CCNI: variants seen among roughly 807,000 people sequenced by gnomAD.
CCNI encodes cyclin I.
CCNI carries 14 observed loss-of-function variants against 34.1 expected under a neutral mutation model. The ratio of observed to expected loss-of-function variants is 0.41; its 90% CI spans 0.27 to 0.64. CCNI has a LOEUF of 0.64. Among genes scored for constraint, CCNI ranks in the 30% least tolerant of loss-of-function variants. The pLI is 0.31. For missense variants in CCNI, 385 were observed against 440.5 expected (o/e 0.87, Z 1.13); for synonymous variants, 154 against 158.4 (o/e 0.97, Z 0.21).
At chr4:77,066,912 T>G (rs1410864367) in intron 1 of CCNI, among the ~76,000 whole-genome samples, 2 of 152,158 alleles carry the variant, frequency 1.3e-5, no homozygotes, top group East Asian at 3.8e-4. Flanking sequence ...TAGCTACACA[T>G]GTGGATATTT....
At chr4:77,058,794 A>T (rs1212249873) in intron 2 of CCNI, among the ~76,000 whole-genome samples, 159 bp from the exon 3 acceptor site, 1 of 150,010 alleles carries the variant, frequency 6.7e-6, no homozygotes, top group Non-Finnish European at 1.5e-5. Context: ...CATGAAATAA[A>T]ACTTTATGTA....
At chr4:77,071,010 A>G (rs1729426203) in intron 1 of CCNI, among the ~76,000 whole-genome samples, 1 of 152,182 alleles carries the variant, frequency 6.6e-6, no homozygotes. Flanking sequence ...ATTAGCTACA[A>G]CCAAATGGAT....
chr4:77,072,948 G>A (rs982453740), intron 1 of CCNI, among the ~76,000 whole-genome samples: 1 of 152,130 alleles, frequency 6.6e-6, no homozygotes, highest in South Asian at 2.1e-4. Flanking sequence ...AGAAAGCATG[G>A]GCTTGGCTTT....
At position 77,050,740 on chromosome 4, in the gene CCNI, T is replaced by C. The variant is rs4252934; in HGVS notation, c.691-2078A>G. On this transcript the variant is annotated intron_variant, in intron 6 of 6. Coordinates refer to ENST00000237654, the MANE Select transcript of CCNI (RefSeq NM_006835.3). ...AAGCTTACATTTAGGCTAGGTCTTA[T>C]TATATATCCCAGGGATGTAGAACAA... Among the ~76,000 whole-genome samples, 1,030 of 152,104 alleles carry C rather than the reference T, an allele frequency of 6.8e-3. 17 individuals carry two copies. Among genetic ancestry groups the C allele is most frequent in the African/African-American group, 0.024 (1,007 of 41,488 alleles).
intron 3 of CCNI, 36 bp from the exon 4 acceptor site, chr4:77,056,359 A>AT: frequency 6.7e-7 from 1 of 1,485,964 alleles, no homozygotes; most frequent in East Asian, 2.3e-5. Flanking sequence ...AACTTTAGTG[A>AT]TTTTTCAAAA....
In CCNI at chr4:77,058,553, A is replaced by G; in HGVS notation, c.197T>C (p.Phe66Ser). ...ATCCAAAAGACTGCTAGCCAGAGCA[A>G]ATGTTTCTGGGTAAAGGTTGAATTG... Reference protein sequence around the residue: ...KYQFNLYPETFALASSLLDRF... With the variant: ...KYQFNLYPETSALASSLLDRF... Residue 66 changes from phenylalanine (F) to serine (S), a missense_variant, in exon 3 of 7, where the codon TTT (phenylalanine) becomes TCT (serine). Physicochemically the swap from Phe to Ser is radical, Grantham distance 155 (BLOSUM62 -2). This residue lies in a region of CCNI where 135 missense variants were observed against 191.8 expected (regional missense o/e 0.70). Transcript: ENST00000237654. 1 of 1,613,832 alleles carries G rather than the reference A, an allele frequency of 6.2e-7. No homozygotes were observed. The highest frequency in any genetic ancestry group is 8.5e-7 in the Non-Finnish European group (1 of 1,179,768).
intron 6 of CCNI, among the ~76,000 whole-genome samples, chr4:77,048,962 GTTT>G (rs538284505): frequency 3.1e-3 from 150 of 47,624 alleles, no homozygotes; most frequent in African/African-American, 8.4e-3. Context: ...TCCAACGTCT[GTTT>G]TTTTTTTTTT....
intron 3 of CCNI, among the ~76,000 whole-genome samples, chr4:77,058,077 G>A (rs1006460078): frequency 1.3e-5 from 2 of 152,184 alleles, no homozygotes; most frequent in Non-Finnish European, 2.9e-5. Context: ...GTAGAAAGCC[G>A]GGAGTGGTGG....
intron 1 of CCNI, among the ~76,000 whole-genome samples, chr4:77,068,657 T>C (rs941134097): frequency 6.6e-6 from 1 of 152,214 alleles, no homozygotes; most frequent in South Asian, 2.1e-4. Flanking sequence ...CTGTAAACTA[T>C]GTATCTGTAT....
At chr4:77,073,498 C>A (rs1729651248) in intron 1 of CCNI, among the ~76,000 whole-genome samples, 1 of 152,230 alleles carries the variant, frequency 6.6e-6, no homozygotes, top group African/African-American at 2.4e-5. Flanking sequence ...AGTTCCTCTT[C>A]TGAAAGGAGG....
At chr4:77,063,325 G>A (rs190991249) in intron 2 of CCNI, among the ~76,000 whole-genome samples, 3 of 123,608 alleles carry the variant, frequency 2.4e-5, no homozygotes, top group Admixed American at 1.9e-4. Flanking sequence ...AAAAGTCAGA[G>A]CAACAGTGGA....
At chr4:77,072,766 G>A (rs1302440034) in intron 1 of CCNI, among the ~76,000 whole-genome samples, 1 of 152,012 alleles carries the variant, frequency 6.6e-6, no homozygotes, top group East Asian at 1.9e-4. Flanking sequence ...AATTGGGACG[G>A]TAGATTACAC....
intron 1 of CCNI, among the ~76,000 whole-genome samples, chr4:77,071,610 T>A (rs1451047089): frequency 6.6e-6 from 1 of 152,202 alleles, no homozygotes; most frequent in African/African-American, 2.4e-5. Flanking sequence ...TTTAGCCAGC[T>A]AGACTGACCA....
At chr4:77,063,463 C>CGGG (rs1728770113) in intron 2 of CCNI, among the ~76,000 whole-genome samples, 2 of 151,342 alleles carry the variant, frequency 1.3e-5, no homozygotes, top group Non-Finnish European at 2.9e-5. Flanking sequence ...CTTTGGAAGG[C>CGGG]CGGATCACAA....
intron 2 of CCNI, among the ~76,000 whole-genome samples, chr4:77,062,860 A>T (rs1332350167): frequency 6.6e-6 from 1 of 152,260 alleles, no homozygotes; most frequent in Admixed American, 6.5e-5. Context: ...ACTTGAAAGT[A>T]CTATTACATA....
intron 2 of CCNI, chr4:77,064,585 GCACACACACACACACACACA>G (rs71214329): frequency 7.0e-6 from 1 of 143,034 alleles, no homozygotes; most frequent in Admixed American, 6.9e-5. Flanking sequence ...GCGCGCGCGC[GCACACACACACACACACACA>G]CACACACACA....
chr4:77,058,718 T>A, intron 2 of CCNI, 83 bp from the exon 3 acceptor site: 1 of 1,176,828 alleles, frequency 8.5e-7, no homozygotes, highest in Non-Finnish European at 1.2e-6. Context: ...TCATAAAAGG[T>A]TAGGTAATAC....
intron 2 of CCNI, among the ~76,000 whole-genome samples, chr4:77,063,520 T>C (rs1461826091): frequency 1.3e-5 from 2 of 151,750 alleles, no homozygotes; most frequent in Non-Finnish European, 2.9e-5. Context: ...AAACCCCGTC[T>C]CTACTAAAAA....
chr4:77,057,579 G>A (rs972567092), intron 3 of CCNI, among the ~76,000 whole-genome samples: 8 of 152,194 alleles, frequency 5.3e-5, no homozygotes, highest in Non-Finnish European at 5.9e-5. Flanking sequence ...TAAATACTAT[G>A]CTACTTTTTC....
Sources: allele counts gnomAD v4.1 joint callset (sites outside exome capture counted in the v4.1 genomes callset), GRCh38; gene constraint gnomAD v4.1.1; regional missense constraint gnomAD v4.1.1; transcripts MANE v1.5; gene names NCBI Gene and HGNC (gene_info 2026-07-23, HGNC 2026-07-21).